The following ZNF195 variants were observed in gnomAD, a reference collection of about 807,000 sequenced individuals.
ZNF195 encodes the protein zinc finger protein 195, also known as hypoxia-regulated factor-1.
Under a neutral mutation model 19.5 loss-of-function variants are expected in ZNF195, and 11 were observed. The ratio of observed to expected loss-of-function variants is 0.57; its 90% CI spans 0.36 to 0.94. The LOEUF (loss-of-function observed/expected upper bound fraction) is 0.94, where lower values mean the gene tolerates loss of function less well. ZNF195 is among the 40% of genes least tolerant of loss of function. The pLI, the probability that ZNF195 is intolerant of heterozygous loss-of-function variation, is 0.01. For missense variants in ZNF195, 582 were observed against 709.0 expected (o/e 0.82, Z 2.03); for synonymous variants, 214 against 248.1 (o/e 0.86, Z 1.29).
In ZNF195 at chr11:3,377,721, A is replaced by G. The variant is rs571976718; in HGVS notation, c.3+1317T>C. 4.5e-5 allele frequency: 50 copies of G among 1,098,918 alleles called. No homozygotes were observed. In the African/African-American group the frequency reaches 8.1e-4, roughly 18 times the overall value. The allele number at this position is 1,098,918 out of a possible 1,614,324, so 68.1% of individuals were successfully genotyped here. A position where few individuals can be genotyped will look rare whatever the true frequency, so the allele number is the denominator to read the frequency against. ...ACCTCAGGCTGTCCTCTGAGAAATA[A>G]CCCAGGGCCTGAAATTCACTAGATG... On this transcript the variant is annotated intron_variant, in intron 1 of 5. Coordinates refer to ENST00000399602, the MANE Select transcript of ZNF195 (RefSeq NM_001130520.3).
intron 3 of ZNF195, 72 bp from the exon 4 acceptor site, chr11:3,361,961 G>C (rs568973492): frequency 2.4e-6 from 1 of 422,548 alleles, no homozygotes; most frequent in African/African-American, 2.0e-5. Flanking sequence ...CAGAAGGCTG[G>C]AGTGGGAGAA....
intron 3 of ZNF195, chr11:3,362,740 T>G: frequency 2.9e-6 from 1 of 347,626 alleles, no homozygotes; most frequent in Non-Finnish European, 5.3e-6. Context: ...CATCTTTTCA[T>G]TTCAGTAAAT....
intron 1 of ZNF195, among the ~76,000 whole-genome samples, 161 bp downstream of exon 1, chr11:3,378,877 G>A (rs1488652808): frequency 6.6e-6 from 1 of 152,212 alleles, no homozygotes; most frequent in African/African-American, 2.4e-5. Context: ...CTGCAGGGAT[G>A]CGCCGGGGCG....
chr11:3,378,510 G>C (rs739393), intron 1 of ZNF195, among the ~76,000 whole-genome samples: 109,844 of 152,044 alleles, frequency 0.72, 40,387 homozygotes, highest in Middle Eastern at 0.79. Flanking sequence ...CTAGATAGCT[G>C]AAATCAGGAG....
chr11:3,360,672 A>G (rs1848593906), intron 5 of ZNF195, 48 bp downstream of exon 5: 1 of 1,547,782 alleles, frequency 6.5e-7, no homozygotes, highest in Admixed American at 2.0e-5. Context: ...TGGCATAAAA[A>G]ATACCACAGG....
chr11:3,361,278 G>C (rs1207015248), intron 4 of ZNF195, among the ~76,000 whole-genome samples: 2 of 152,152 alleles, frequency 1.3e-5, no homozygotes, highest in African/African-American at 4.8e-5. Context: ...TAAAGGTTGT[G>C]GCAGGAGGCT....
At chr11:3,364,952 TA>T (rs917255272) in intron 3 of ZNF195, among the ~76,000 whole-genome samples, 2 of 151,164 alleles carry the variant, frequency 1.3e-5, no homozygotes, top group African/African-American at 2.4e-5. Context: ...AAAGTGAAAA[TA>T]AAAAAAAATT....
At chr11:3,371,827 A>G in intron 1 of ZNF195, 124 bp from the exon 2 acceptor site, 2 of 1,145,666 alleles carry the variant, frequency 1.7e-6, no homozygotes, top group Non-Finnish European at 2.4e-6. Flanking sequence ...TAGCAGAAGA[A>G]TACTCTCTAA....
intron 2 of ZNF195, 120 bp from the exon 3 acceptor site, chr11:3,371,190 C>T (rs1404134879): frequency 6.5e-6 from 6 of 924,298 alleles, no homozygotes; most frequent in East Asian, 2.6e-5. Context: ...CAAAATTATG[C>T]TTCCTGACAT....
intron 3 of ZNF195, among the ~76,000 whole-genome samples, chr11:3,367,943 C>T (rs1848984852): frequency 6.6e-6 from 1 of 151,858 alleles, no homozygotes; most frequent in South Asian, 2.1e-4. Flanking sequence ...CGTGGTGGTG[C>T]ATGCCTGTGT....
intron 4 of ZNF195, 78 bp downstream of exon 4, chr11:3,361,663 CCA>C (rs1804122743): frequency 2.8e-5 from 34 of 1,204,514 alleles, no homozygotes; most frequent in Non-Finnish European, 3.7e-5. Flanking sequence ...CACATTATAA[CCA>C]CAGTTTCCAA....
intron 3 of ZNF195, chr11:3,366,888 A>G (rs11026762): frequency 0.15 from 67,710 of 452,342 alleles, 6,663 homozygotes; most frequent in East Asian, 0.43. Context: ...AACATGGCAA[A>G]ACCCTGTCTC....
chr11:3,373,686 G>A, intron 1 of ZNF195: 2 of 1,515,922 alleles, frequency 1.3e-6, no homozygotes, highest in South Asian at 1.2e-5. Flanking sequence ...CTTTAAAGGT[G>A]TTAGCACAAC....
At chr11:3,367,063 TAAA>T (rs745424546) in intron 3 of ZNF195, 1,349 of 146,172 alleles carry the variant, frequency 9.2e-3, no homozygotes, top group Middle Eastern at 0.014. Context: ...AAACTCTGTG[TAAA>T]AAAAAAAAAA....
At position 3,358,198 on chromosome 11, in the gene ZNF195, T is replaced by G. The variant is rs1198802249; in HGVS notation, c.*920A>C. On this transcript the variant is annotated 3_prime_UTR_variant, in exon 6 of 6. Coordinates refer to ENST00000399602, the MANE Select transcript of ZNF195 (RefSeq NM_001130520.3). ...ATCCTGTAACTGTCTGCACAGTTAC[T>G]GGAGGGATCAGTGAAGGGGGGTTTG... 2 of 151,960 alleles carry G rather than the reference T, an allele frequency of 1.3e-5. No homozygotes were observed. Among genetic ancestry groups the G allele is most frequent in the Non-Finnish European group, 2.9e-5 (2 of 68,026 alleles). The allele number at this position is 151,960 out of a possible 1,614,324, so 9.4% of individuals were successfully genotyped here. A position where few individuals can be genotyped will look rare whatever the true frequency, so the allele number is the denominator to read the frequency against.
intron 4 of ZNF195, among the ~76,000 whole-genome samples, chr11:3,361,502 C>T (rs1044284939): frequency 2.6e-5 from 4 of 151,482 alleles, no homozygotes; most frequent in South Asian, 2.1e-4. Flanking sequence ...AATAAGGATA[C>T]CAATAAAAAG....
chr11:3,366,024 G>A (rs375005886), intron 3 of ZNF195, among the ~76,000 whole-genome samples: 45 of 152,138 alleles, frequency 3.0e-4, no homozygotes, highest in African/African-American at 1.0e-3. Flanking sequence ...TTGGGAGGCC[G>A]AGGCGGGTGG....
chr11:3,359,332 A>G lies in ZNF195; in HGVS notation c.1676T>C (p.Phe559Ser), dbSNP rs1848516558. ...TTTGGTAATGTCTGAGAACCACATG[A>G]AGACTCTGCCACATTCTTCACACTT... ...PYKCEECGRVFMWFSDITKHK... is the reference protein window; with the variant it reads ...PYKCEECGRVSMWFSDITKHK... The change falls in exon 6 of 6, where the codon TTC becomes TCC. Residue 559 changes from phenylalanine (F) to serine (S), a missense_variant. Coordinates refer to ENST00000399602, the MANE Select transcript of ZNF195 (RefSeq NM_001130520.3). The surrounding 1 kb of genome is among the most constrained non-coding windows in gnomAD (Gnocchi z 5.5). 6.2e-7 allele frequency: 1 copy of G among 1,613,726 alleles called. No individual in the cohort carries two copies.
Position 3,378,920 on chromosome 11 carries a change from G to T in ZNF195, c.3+118C>A. The T allele has an allele frequency of 2.5e-6, 3 of 1,211,808 alleles. No homozygotes were observed. In the East Asian group the frequency reaches 9.5e-5, roughly 38 times the overall value. The allele number at this position is 1,211,808 out of a possible 1,614,324, so 75.1% of individuals were successfully genotyped here. A position where few individuals can be genotyped will look rare whatever the true frequency, so the allele number is the denominator to read the frequency against. On this transcript the variant is annotated intron_variant, in intron 1 of 5. Coordinates refer to ENST00000399602, the MANE Select transcript of ZNF195 (RefSeq NM_001130520.3). ...CCCGGCCGCCATGGTGCAGCTGGAG[G>T]GGCCTCGGGTCCGCGGAGCCCGGAA... is the stretch of plus-strand genomic sequence containing the variant.
Sources: gnomAD v4.1 joint callset for allele counts (sites outside exome capture counted in the v4.1 genomes callset) on GRCh38, gnomAD v4.1.1 for gene constraint, Gnocchi (gnomAD v3.1) non-coding constraint, MANE v1.5 for transcripts, NCBI Gene and HGNC (gene_info 2026-07-23, HGNC 2026-07-21) for gene names.